PCNX2: variants seen among roughly 807,000 people sequenced by gnomAD.
PCNX2 encodes pecanex 2, also known as pecanex-like protein 2.
Under a neutral mutation model 223.8 loss-of-function variants are expected in PCNX2, and 168 were observed. The ratio of observed to expected loss-of-function variants is 0.75; its 90% CI spans 0.66 to 0.85. PCNX2 has a LOEUF of 0.85. Among genes scored for constraint, PCNX2 ranks in the 40% least tolerant of loss-of-function variants. PCNX2 has a pLI of 0.00. For missense variants in PCNX2, 2,507 were observed against 2,675.5 expected (o/e 0.94, Z 1.39); for synonymous variants, 1,006 against 1,052.6 (o/e 0.96, Z 0.86).
intron 31 of PCNX2, 87 bp downstream of exon 31, chr1:232,999,018 G>A (rs780468660): frequency 3.6e-5 from 52 of 1,435,580 alleles, no homozygotes; most frequent in Non-Finnish European, 4.6e-5. Context: ...GGCTGACAGT[G>A]AAATCTGAAC....
chr1:232,986,655 C>T (rs1669500707), intron 32 of PCNX2, 115 bp from the exon 33 acceptor site: 1 of 942,626 alleles, frequency 1.1e-6, no homozygotes, highest in Non-Finnish European at 1.5e-6. Flanking sequence ...CTCAGTGCAC[C>T]ACCTGCAAGG....
chr1:233,047,059 G>T (rs950148895), intron 25 of PCNX2, among the ~76,000 whole-genome samples: 30 of 152,254 alleles, frequency 2.0e-4, no homozygotes, highest in Non-Finnish European at 2.4e-4. Flanking sequence ...AGACTGAGTG[G>T]TACCATGGAG....
At chr1:233,067,132 A>G (rs1232667941) in intron 23 of PCNX2, among the ~76,000 whole-genome samples, 1 of 151,976 alleles carries the variant, frequency 6.6e-6, no homozygotes, top group African/African-American at 2.4e-5. Flanking sequence ...CAAAGGTGTA[A>G]ATATTATCCA....
chr1:233,246,022 C>T (rs74147313), intron 8 of PCNX2, among the ~76,000 whole-genome samples: 18,600 of 152,058 alleles, frequency 0.12, 3,171 homozygotes, highest in African/African-American at 0.39. Flanking sequence ...TGGAAAAAAA[C>T]GGAAAATCCT....
In PCNX2 at chr1:233,200,146, C is replaced by G. The variant is rs1374118152; in HGVS notation, c.2974+8G>C. ...CTTTACAGGAAGAATAGAATGTAAA[C>G]GACTTACCAGAACCACCAAAAAACA... is the stretch of plus-strand genomic sequence containing the variant. On this transcript the variant is annotated splice_region_variant and intron_variant, in intron 14 of 33. Transcript: ENST00000258229. The G allele has an allele frequency of 5.8e-6, 9 of 1,546,322 alleles. No homozygotes were observed. The highest frequency in any genetic ancestry group is 2.3e-5 in the East Asian group (1 of 43,026).
At chr1:233,214,762 G>A (rs1415338927) in intron 12 of PCNX2, among the ~76,000 whole-genome samples, 1 of 152,102 alleles carries the variant, frequency 6.6e-6, no homozygotes, top group Admixed American at 6.5e-5. Context: ...ATCTTTCTAA[G>A]CTCTCCCAGA....
intron 27 of PCNX2, among the ~76,000 whole-genome samples, chr1:233,016,052 A>C (rs999794897): frequency 1.3e-5 from 2 of 152,226 alleles, no homozygotes; most frequent in African/African-American, 4.8e-5. Flanking sequence ...AATTCTTTGA[A>C]TATCTCAACT....
intron 21 of PCNX2, among the ~76,000 whole-genome samples, chr1:233,125,029 G>C (rs1676018846): frequency 6.6e-6 from 1 of 152,066 alleles, no homozygotes; most frequent in Non-Finnish European, 1.5e-5. Context: ...CCCTACTAAG[G>C]GCACTAAAGA....
At chr1:233,131,094 C>T (rs1676477524) in intron 21 of PCNX2, among the ~76,000 whole-genome samples, 1 of 152,194 alleles carries the variant, frequency 6.6e-6, no homozygotes, top group Non-Finnish European at 1.5e-5. Flanking sequence ...AACTGAGTGC[C>T]CATCCAAATC....
chr1:233,194,974 G>A (rs560359421), intron 15 of PCNX2, among the ~76,000 whole-genome samples: 10 of 147,086 alleles, frequency 6.8e-5, no homozygotes, highest in African/African-American at 2.3e-4. Context: ...CCAAGATCAC[G>A]CTGCCGCACT....
intron 15 of PCNX2, among the ~76,000 whole-genome samples, chr1:233,193,669 T>C (rs1008633303): frequency 3.9e-5 from 6 of 152,194 alleles, no homozygotes; most frequent in African/African-American, 1.4e-4. Flanking sequence ...CTATGATTAA[T>C]ATGTTGAAGA....
intron 10 of PCNX2, among the ~76,000 whole-genome samples, chr1:233,226,183 C>G (rs554299512): frequency 6.6e-6 from 1 of 152,298 alleles, no homozygotes; most frequent in East Asian, 1.9e-4. Context: ...CCCTGAACAT[C>G]ATAAACTGTT....
chr1:233,259,231 A>C lies in PCNX2; in HGVS notation c.631T>G (p.Ser211Ala), dbSNP rs1237193778. ...GCAACTGGTTTTACAGGTATTACTG[A>C]CTTGGTCGTGGTTTCCAGCATGTGT... ...QAHMLETTTK[S>A]VIPVKPVATE... Residue 211 changes from serine (S) to alanine (A), a missense_variant, in exon 5 of 34, where the codon TCA (serine) becomes GCA (alanine). This residue lies in a region of PCNX2 where 1,031 missense variants were observed against 1,021.7 expected (regional missense o/e 1.01). Transcript: ENST00000258229. 1 of 1,613,828 alleles carries C rather than the reference A, an allele frequency of 6.2e-7. No homozygotes were observed. The highest frequency in any genetic ancestry group is 1.1e-5 in the South Asian group (1 of 91,078).
intron 1 of PCNX2, chr1:233,291,984 T>A: frequency 1.0e-6 from 1 of 985,296 alleles, no homozygotes; most frequent in South Asian, 4.7e-5. Flanking sequence ...CTTACTGTTT[T>A]CAGTTGTACA....
chr1:233,186,359 C>T (rs117367978), intron 15 of PCNX2, among the ~76,000 whole-genome samples: 5 of 152,192 alleles, frequency 3.3e-5, no homozygotes, highest in East Asian at 1.9e-4. Flanking sequence ...GTAAAAGGAG[C>T]GCTGGGCCCA....
chr1:233,189,127 C>A (rs80348205), intron 15 of PCNX2, among the ~76,000 whole-genome samples: 9 of 152,108 alleles, frequency 5.9e-5, no homozygotes, highest in Non-Finnish European at 1.2e-4. Context: ...CATCCACATG[C>A]GGTAGGTACT....
In PCNX2 at chr1:233,161,263, A is replaced by T; in HGVS notation, c.3366+8T>A. 1 of 1,610,890 alleles carries T rather than the reference A, an allele frequency of 6.2e-7. No homozygotes were observed. The highest frequency in any genetic ancestry group is 8.5e-7 in the Non-Finnish European group (1 of 1,177,252). On this transcript the variant is annotated splice_region_variant and intron_variant, in intron 18 of 33. Transcript: ENST00000258229. ...GGCAGGAAGAGTACAAAGTTGGTGG[A>T]TACATACTCGCAATGACAGGAATAC...
At chr1:232,998,690 G>A (rs1467652857) in intron 31 of PCNX2, among the ~76,000 whole-genome samples, 1 of 152,168 alleles carries the variant, frequency 6.6e-6, no homozygotes, top group African/African-American at 2.4e-5. Context: ...GGCTTGATAG[G>A]GAGCTCTGTC....
chr1:233,136,822 G>A (rs1676831947), intron 20 of PCNX2, among the ~76,000 whole-genome samples: 1 of 152,142 alleles, frequency 6.6e-6, no homozygotes. Context: ...CAATGATAAG[G>A]TATCTGAAGA....
Sources: allele counts gnomAD v4.1 joint callset (sites outside exome capture counted in the v4.1 genomes callset), GRCh38; gene constraint gnomAD v4.1.1; regional missense constraint gnomAD v4.1.1; transcripts MANE v1.5; gene names NCBI Gene and HGNC (gene_info 2026-07-23, HGNC 2026-07-21).